FRMD4B: variants seen among roughly 807,000 people sequenced by gnomAD.
FRMD4B encodes the protein FERM domain-containing protein 4B.
Under a neutral mutation model 141.5 loss-of-function variants are expected in FRMD4B, and 74 were observed. The ratio of observed to expected loss-of-function variants is 0.52; its 90% confidence interval spans 0.43 to 0.63. FRMD4B has a LOEUF of 0.63. Ranked by LOEUF, FRMD4B falls within the 30% of genes least tolerant of loss-of-function variation. The pLI is 0.00. For missense variants in FRMD4B, 1,366 were observed against 1,253.4 expected (o/e 1.09, Z -1.36); for synonymous variants, 506 against 467.9 (o/e 1.08, Z -1.05).
At chr3:69,460,228 C>A (rs1024664848) in intron 1 of FRMD4B, among the ~76,000 whole-genome samples, 1 of 152,182 alleles carries the variant, frequency 6.6e-6, no homozygotes. Context: ...AGTTACGATG[C>A]CAGATGACAA....
chr3:69,176,550 G>A lies in FRMD4B; in HGVS notation c.2958C>T (p.Val986=). The A allele has an allele frequency of 6.2e-7, 1 of 1,612,498 alleles. No individual in the cohort carries two copies. The highest frequency in any genetic ancestry group is 8.5e-7 in the Non-Finnish European group (1 of 1,178,532). The change falls in exon 22 of 23, where the codon GTC becomes GTT. Residue 986 remains valine (V), a synonymous_variant. Transcript: ENST00000398540. ...HSSYTSCYGN[V]YNPLPSPSRQ... ...TGCTTGGAGAGGGTAAAGGATTATA[G>A]ACATTGCCATAGCAGCTGGTGTAAG... is the stretch of plus-strand genomic sequence containing the variant.
In FRMD4B at chr3:69,293,410, C is replaced by T. The variant is rs117831819; in HGVS notation, c.417-5574G>A. ...CCTCTTACCTCTCTTGCCTCACACA[C>T]TGGAGAAATGAGAGGGTTTGAAATG... On this transcript the variant is annotated intron_variant, in intron 4 of 22. Transcript: ENST00000398540. Among the ~76,000 whole-genome samples the T allele has an allele frequency of 2.1e-4, 26 of 121,276 alleles. No homozygotes were observed. In the East Asian group the frequency reaches 6.3e-3, roughly 30 times the overall value. 79.6% of individuals were successfully genotyped at this position (121,276 alleles called of 152,430 possible).
At chr3:69,255,397 C>T (rs907724196) in intron 5 of FRMD4B, among the ~76,000 whole-genome samples, 3 of 151,984 alleles carry the variant, frequency 2.0e-5, no homozygotes, top group African/African-American at 7.3e-5. Context: ...AGTTTGAAGC[C>T]GGGTCCAGTG....
intron 1 of FRMD4B, among the ~76,000 whole-genome samples, chr3:69,448,413 G>A (rs1300297974): frequency 1.3e-5 from 2 of 152,086 alleles, no homozygotes; most frequent in African/African-American, 4.8e-5. Context: ...CTATGATCAG[G>A]GAATTTTTAA....
intron 11 of FRMD4B, among the ~76,000 whole-genome samples, chr3:69,212,784 T>C (rs2093099449): frequency 6.6e-6 from 1 of 152,194 alleles, no homozygotes; most frequent in African/African-American, 2.4e-5. Context: ...TTGTGAGTTG[T>C]CCTAATATTT....
intron 1 of FRMD4B, among the ~76,000 whole-genome samples, chr3:69,445,427 A>C (rs9818394): frequency 0.28 from 43,042 of 151,996 alleles, 6,326 homozygotes; most frequent in East Asian, 0.45. Context: ...TTCCTGCCAA[A>C]CCTTGGCTGC....
At chr3:69,502,197 G>A (rs1397871275) in intron 1 of FRMD4B, among the ~76,000 whole-genome samples, 1 of 152,046 alleles carries the variant, frequency 6.6e-6, no homozygotes, top group Non-Finnish European at 1.5e-5. Flanking sequence ...AGTTCATATG[G>A]AATCAAAAAA....
intron 1 of FRMD4B, among the ~76,000 whole-genome samples, chr3:69,449,365 T>C (rs150316652): frequency 2.6e-5 from 4 of 152,314 alleles, no homozygotes; most frequent in African/African-American, 9.6e-5. Context: ...ACCTTACAGT[T>C]TTGACTTTAA....
chr3:69,454,324 C>T (rs1178296382), intron 1 of FRMD4B, among the ~76,000 whole-genome samples: 1 of 152,252 alleles, frequency 6.6e-6, no homozygotes, highest in African/African-American at 2.4e-5. Context: ...GGCCTCAGTG[C>T]CCACTCTGGC....
intron 1 of FRMD4B, among the ~76,000 whole-genome samples, chr3:69,363,091 C>G (rs965467493): frequency 6.6e-6 from 1 of 151,922 alleles, no homozygotes; most frequent in Non-Finnish European, 1.5e-5. Context: ...TTGGTGAGGT[C>G]AACAGATTAG....
At chr3:69,457,288 A>G (rs1375367459) in intron 1 of FRMD4B, among the ~76,000 whole-genome samples, 2 of 152,220 alleles carry the variant, frequency 1.3e-5, no homozygotes, top group African/African-American at 4.8e-5. Flanking sequence ...AAGGAAAAAA[A>G]GGTTAGCATG....
intron 1 of FRMD4B, among the ~76,000 whole-genome samples, chr3:69,448,996 G>A (rs1401171886): frequency 1.3e-5 from 2 of 152,248 alleles, no homozygotes; most frequent in South Asian, 2.1e-4. Context: ...TTTTGTAGAC[G>A]ATGGGCTCAA....
intron 1 of FRMD4B, among the ~76,000 whole-genome samples, chr3:69,481,326 C>T (rs887718678): frequency 4.6e-5 from 7 of 152,086 alleles, no homozygotes; most frequent in African/African-American, 7.2e-5. Context: ...AGCTGTAGAC[C>T]GGAGCTGTTC....
rs190521834 is a variant in FRMD4B, at chr3:69,230,839, T to G, written c.582-6149A>C. On this transcript the variant is annotated intron_variant, in intron 7 of 22. Coordinates refer to ENST00000398540, the MANE Select transcript of FRMD4B (RefSeq NM_015123.3). ...TATAAATGCTTAAACTGTAATGTAT[T>G]CATGTAATAGAATACCACGCAGCAA... Among the ~76,000 whole-genome samples, 12 of 152,292 alleles carry G rather than the reference T, an allele frequency of 7.9e-5. No individual in the cohort carries two copies. In the East Asian group the frequency reaches 2.3e-3, roughly 29 times the overall value.
In FRMD4B at chr3:69,182,621, G is replaced by A. The variant is rs760347003; in HGVS notation, c.2016C>T (p.Asn672=). Residue 672 remains asparagine (N), a synonymous_variant, in exon 20 of 23, where the codon AAC becomes AAT. Transcript: ENST00000398540. ...SMPTTPVLTR[N]AYSSSHLEPE... is the part of the protein sequence containing the mutation. ...ACTCCAAGTGGCTGCTGCTGTAGGC[G>A]TTTCGGGTAAGAACTGGCGTGGTGG... 4.3e-6 allele frequency: 7 copies of A among 1,612,330 alleles called. No individual in the cohort carries two copies. Among genetic ancestry groups the A allele is most frequent in the Admixed American group, 1.7e-5 (1 of 59,286 alleles).
intron 4 of FRMD4B, among the ~76,000 whole-genome samples, chr3:69,288,274 T>C (rs1395239494): frequency 1.3e-5 from 2 of 152,244 alleles, no homozygotes; most frequent in East Asian, 3.9e-4. Context: ...TCGGGGGTTT[T>C]TAGACGGAGG....
At chr3:69,204,138 C>T (rs2092998527) in intron 11 of FRMD4B, among the ~76,000 whole-genome samples, 1 of 152,076 alleles carries the variant, frequency 6.6e-6, no homozygotes, top group Non-Finnish European at 1.5e-5. Context: ...AAGCAAACTC[C>T]CTCCTGCCCC....
intron 1 of FRMD4B, among the ~76,000 whole-genome samples, chr3:69,365,416 C>A (rs528734539): frequency 6.5e-4 from 99 of 152,244 alleles, no homozygotes; most frequent in Non-Finnish European, 1.3e-3. Context: ...TTTTGGCCAG[C>A]AGACTGGTAT....
chr3:69,261,192 G>A (rs1575667821), intron 5 of FRMD4B, among the ~76,000 whole-genome samples: 3 of 152,200 alleles, frequency 2.0e-5, no homozygotes, highest in African/African-American at 7.2e-5. Flanking sequence ...CACTGCTGGC[G>A]AAGGTCTGCA....
Sources: gnomAD v4.1 joint callset for allele counts (sites outside exome capture counted in the v4.1 genomes callset) on GRCh38, gnomAD v4.1.1 for gene constraint, MANE v1.5 for transcripts, NCBI Gene and HGNC (gene_info 2026-07-23, HGNC 2026-07-21) for gene names.